CERS3: variants seen among roughly 807,000 people sequenced by gnomAD.
CERS3 encodes the protein ceramide synthase 3.
Under a neutral mutation model 50.3 loss-of-function variants are expected in CERS3, and 33 were observed. The observed-to-expected ratio is 0.66, with a 90% CI of 0.50 to 0.88. The LOEUF is 0.88. Among genes scored for constraint, CERS3 ranks in the 40% least tolerant of loss-of-function variants. The pLI is 0.00. For missense variants in CERS3, 470 were observed against 460.3 expected, an observed-to-expected ratio of 1.02 and a Z score of -0.19; for synonymous variants, 176 against 155.2, an observed-to-expected ratio of 1.13 and a Z score of -0.99.
chr15:100,440,605 T>C (rs2033635792), intron 11 of CERS3, among the ~76,000 whole-genome samples: 1 of 152,198 alleles, frequency 6.6e-6, no homozygotes, highest in African/African-American at 2.4e-5. Context: ...CGGACGTGCG[T>C]GAAATTTGGT....
At chr15:100,473,154 G>T in intron 8 of CERS3, 102 bp from the exon 9 acceptor site, 2 of 1,239,928 alleles carry the variant, frequency 1.6e-6, no homozygotes, top group Non-Finnish European at 2.2e-6. Context: ...ACTTACATCT[G>T]CATGTTTTGA....
At chr15:100,479,385 T>C (rs761611988) in intron 7 of CERS3, 43 bp downstream of exon 7, 18 of 1,425,628 alleles carry the variant, frequency 1.3e-5, no homozygotes, top group Admixed American at 4.0e-5. Flanking sequence ...TTGAGGGATC[T>C]TGGTGTTCAA....
At chr15:100,493,461 C>T (rs532917026) in intron 3 of CERS3, among the ~76,000 whole-genome samples, 3 of 152,248 alleles carry the variant, frequency 2.0e-5, no homozygotes, top group East Asian at 1.9e-4. Flanking sequence ...CTCTTGCTGC[C>T]TTCAAGATTC....
intron 2 of CERS3, among the ~76,000 whole-genome samples, chr15:100,507,350 C>A (rs1376550514): frequency 2.0e-5 from 3 of 152,182 alleles, no homozygotes; most frequent in Non-Finnish European, 4.4e-5. Flanking sequence ...ATGGTCCAGG[C>A]TACCCCTCCA....
chr15:100,467,637 C>T (rs7172975), intron 10 of CERS3, among the ~76,000 whole-genome samples: 3 of 150,886 alleles, frequency 2.0e-5, no homozygotes, highest in East Asian at 3.9e-4. Context: ...TGGGACATGG[C>T]GAACTGAGGG....
At chr15:100,498,611 C>T (rs2035903479) in intron 3 of CERS3, among the ~76,000 whole-genome samples, 1 of 152,272 alleles carries the variant, frequency 6.6e-6, no homozygotes, top group East Asian at 1.9e-4. Context: ...CAGAACTGAG[C>T]CTTCAGACAA....
intron 2 of CERS3, among the ~76,000 whole-genome samples, chr15:100,514,726 A>T (rs2036444100): frequency 6.6e-6 from 1 of 152,204 alleles, no homozygotes; most frequent in South Asian, 2.1e-4. Context: ...CTATGATTAT[A>T]TGATAAATAT....
intron 10 of CERS3, among the ~76,000 whole-genome samples, chr15:100,462,055 T>C (rs2034567274): frequency 6.6e-6 from 1 of 152,194 alleles, no homozygotes; most frequent in Admixed American, 6.5e-5. Context: ...TGCAGGCACA[T>C]GCATAGAACA....
chr15:100,417,524 A>G lies in CERS3; in HGVS notation c.1000-14659T>C, dbSNP rs1216866986. Reference sequence around the variant, plus strand: ...GGGGGAGGGGCGCCCGCCATTGCCCAGGCTTGCTTAGGTAAATAAAGCAGC... The same window carrying G: ...GGGGGAGGGGCGCCCGCCATTGCCCGGGCTTGCTTAGGTAAATAAAGCAGC... On this transcript the variant is annotated intron_variant, in intron 11 of 11. Coordinates refer to ENST00000679737, the MANE Select transcript of CERS3 (RefSeq NM_001378789.1). Among the ~76,000 whole-genome samples the G allele has an allele frequency of 2.6e-5, 4 of 152,162 alleles. No individual in the cohort carries two copies. The East Asian group carries it at 7.7e-4, about 29-fold the overall frequency.
chr15:100,424,718 C>G (rs2032699459), intron 11 of CERS3, among the ~76,000 whole-genome samples: 1 of 152,144 alleles, frequency 6.6e-6, no homozygotes, highest in Non-Finnish European at 1.5e-5. Flanking sequence ...CTGCATGAAC[C>G]AAGAGATGTT....
At chr15:100,531,179 A>G (rs1297589123), upstream of CERS3, among the ~76,000 whole-genome samples, 2 of 152,250 alleles carry the variant, frequency 1.3e-5, no homozygotes, top group Non-Finnish European at 2.9e-5. Context: ...AACACATGTT[A>G]TTTGCTGATA....
chr15:100,438,308 G>A (rs1420166851), intron 11 of CERS3, among the ~76,000 whole-genome samples: 1 of 152,076 alleles, frequency 6.6e-6, no homozygotes, highest in South Asian at 2.1e-4. Flanking sequence ...GCCTCCCAAA[G>A]TGCTAGGATT....
At position 100,406,978 on chromosome 15, in the gene CERS3, A is replaced by T. The variant is rs566958410; in HGVS notation, c.1000-4113T>A. 2.0e-4 allele frequency among the ~76,000 whole-genome samples: 31 copies of T among 152,250 alleles called. No individual in the cohort carries two copies. The South Asian group carries it at 6.2e-3, about 31-fold the overall frequency. ...TTGTGCAGGGGAACTCCTCTTTTTGACACCATCAGATCTTGTGAGACTTAT... is the reference window on the plus strand; with the variant it reads ...TTGTGCAGGGGAACTCCTCTTTTTGTCACCATCAGATCTTGTGAGACTTAT... On this transcript the variant is annotated intron_variant, in intron 11 of 11. Transcript: ENST00000679737.
At chr15:100,525,568 G>A (rs1353290153) in intron 1 of CERS3, among the ~76,000 whole-genome samples, 1 of 152,126 alleles carries the variant, frequency 6.6e-6, no homozygotes, top group Non-Finnish European at 1.5e-5. Context: ...ATTTACAATT[G>A]AACATCTGTC....
At chr15:100,417,189 G>T (rs1030471957) in intron 11 of CERS3, among the ~76,000 whole-genome samples, 5 of 151,666 alleles carry the variant, frequency 3.3e-5, no homozygotes, top group Admixed American at 2.6e-4. Flanking sequence ...TCTCACTAGG[G>T]AGTGCCAGAC....
chr15:100,454,632 G>A (rs1322607410), intron 11 of CERS3, among the ~76,000 whole-genome samples: 1 of 151,974 alleles, frequency 6.6e-6, no homozygotes. Flanking sequence ...GTACTTCAGG[G>A]AAATACTTCA....
At chr15:100,447,478 C>T (rs2033986796) in intron 11 of CERS3, among the ~76,000 whole-genome samples, 1 of 152,186 alleles carries the variant, frequency 6.6e-6, no homozygotes, top group South Asian at 2.1e-4. Flanking sequence ...CCACCTTGGG[C>T]ACATGTTCTC....
intron 11 of CERS3, among the ~76,000 whole-genome samples, chr15:100,406,279 A>G (rs1054675554): frequency 6.6e-6 from 1 of 152,234 alleles, no homozygotes; most frequent in Non-Finnish European, 1.5e-5. Context: ...AAAGAAAAAA[A>G]GATATGGAAG....
intron 10 of CERS3, among the ~76,000 whole-genome samples, chr15:100,465,265 A>T (rs2142221166): frequency 6.6e-6 from 1 of 152,306 alleles, no homozygotes. Flanking sequence ...GATACCTATG[A>T]TCTGCACATT....
Sources: allele counts gnomAD v4.1 joint callset (sites outside exome capture counted in the v4.1 genomes callset), GRCh38; gene constraint gnomAD v4.1.1; transcripts MANE v1.5; gene names NCBI Gene and HGNC (gene_info 2026-07-23, HGNC 2026-07-21).